KIF13A: variants seen among roughly 807,000 people sequenced by gnomAD.
KIF13A encodes kinesin-like protein KIF13A.
Under a neutral mutation model 212.2 loss-of-function variants are expected in KIF13A, and 79 were observed. That is an observed-to-expected ratio of 0.37 (90% CI 0.31 to 0.45). KIF13A has a LOEUF of 0.45. Among genes scored for constraint, KIF13A ranks in the 20% least tolerant of loss-of-function variants. KIF13A has a pLI of 1.00. For missense variants in KIF13A, 1,901 were observed against 2,209.0 expected (o/e 0.86, Z 2.79); for synonymous variants, 789 against 808.6 (o/e 0.98, Z 0.41).
rs1419183038 is a variant in KIF13A, at chr6:17,918,646, T to C, written c.147-20466A>G. On this transcript the variant is annotated intron_variant, in intron 2 of 38. Coordinates refer to ENST00000259711, the MANE Select transcript of KIF13A (RefSeq NM_022113.6). The surrounding 1 kb of genome is among the most constrained non-coding windows in gnomAD (Gnocchi z 4.8). ...GCTGCCTTCCTACAGGTAAGAGAAG[T>C]ATCACTTGGAATTGAAAGCACTCCC... is the stretch of plus-strand genomic sequence containing the variant. Among the ~76,000 whole-genome samples, 2 of 152,048 alleles carry C rather than the reference T, an allele frequency of 1.3e-5. No homozygotes were observed. Among genetic ancestry groups the C allele is most frequent in the African/African-American group, 2.4e-5 (1 of 41,392 alleles).
chr6:17,858,897 T>A (rs1415540912), intron 4 of KIF13A, among the ~76,000 whole-genome samples: 4 of 150,612 alleles, frequency 2.7e-5, no homozygotes, highest in African/African-American at 9.7e-5. Context: ...ATTTAGTAAC[T>A]TGAAAAAAAG....
chr6:17,845,093 A>G (rs1413711307), intron 9 of KIF13A, among the ~76,000 whole-genome samples: 1 of 152,188 alleles, frequency 6.6e-6, no homozygotes, highest in Non-Finnish European at 1.5e-5. Context: ...AGAAGGCAAA[A>G]GGCACATCGG....
intron 9 of KIF13A, among the ~76,000 whole-genome samples, chr6:17,845,161 T>C (rs1010240353): frequency 2.0e-5 from 3 of 151,984 alleles, no homozygotes; most frequent in African/African-American, 7.2e-5. Context: ...TATAAAACCA[T>C]CGGATCTCGT....
chr6:17,804,253 A>T, intron 20 of KIF13A, 108 bp downstream of exon 20: 1 of 966,268 alleles, frequency 1.0e-6, no homozygotes, highest in Non-Finnish European at 1.4e-6. Flanking sequence ...TATTTGCCTT[A>T]GTTTCTTGAT....
At chr6:17,893,688 T>C (rs1485905581) in intron 3 of KIF13A, among the ~76,000 whole-genome samples, 1 of 152,194 alleles carries the variant, frequency 6.6e-6, no homozygotes, top group African/African-American at 2.4e-5. Context: ...TTCAGTCTTT[T>C]ACTATTACAT....
chr6:17,765,961 AG>A (rs1758916168), intron 38 of KIF13A, among the ~76,000 whole-genome samples: 1 of 152,232 alleles, frequency 6.6e-6, no homozygotes, highest in Non-Finnish European at 1.5e-5. Flanking sequence ...GAGCACAAGA[AG>A]GCATGGTCCC....
At chr6:17,913,925 C>A (rs1489587083) in intron 2 of KIF13A, among the ~76,000 whole-genome samples, 1 of 152,202 alleles carries the variant, frequency 6.6e-6, no homozygotes, top group Non-Finnish European at 1.5e-5. Flanking sequence ...AGGCTCAGTG[C>A]CAGCCTGTTT....
rs1349354918 is a variant in KIF13A at position 17,828,387 on chromosome 6, A to G, written c.1402-17T>C. Reference sequence around the variant, plus strand: ...GGTGTGATCCTAGTAAAAGATTATTAAGGAAAGAAAAACCCACATTTATGA... The same window carrying G: ...GGTGTGATCCTAGTAAAAGATTATTGAGGAAAGAAAAACCCACATTTATGA... On this transcript the variant is annotated splice_polypyrimidine_tract_variant and intron_variant, in intron 13 of 38. Coordinates refer to ENST00000259711, the MANE Select transcript of KIF13A (RefSeq NM_022113.6). The surrounding 1 kb of genome is among the most constrained non-coding windows in gnomAD (Gnocchi z 4.3). 4.4e-6 allele frequency: 7 copies of G among 1,599,034 alleles called. No homozygotes were observed. The African/African-American group carries it at 9.4e-5, about 22-fold the overall frequency.
intron 2 of KIF13A, among the ~76,000 whole-genome samples, chr6:17,922,610 A>C (rs1202049370): frequency 7.7e-4 from 7 of 9,114 alleles, no homozygotes; most frequent in Non-Finnish European, 1.4e-3. Context: ...GAAAAACTTA[A>C]AAAAAAAAAA....
rs79877638 is a variant in KIF13A, at chr6:17,927,686, C to T, written c.147-29506G>A. ...GATCAATTTTAAGTATATTTTGCCACAATAAAAATATGAATCAGAGTACAA... is the reference window on the plus strand; with the variant it reads ...GATCAATTTTAAGTATATTTTGCCATAATAAAAATATGAATCAGAGTACAA... On this transcript the variant is annotated intron_variant, in intron 2 of 38. Transcript: ENST00000259711. 4.8e-3 allele frequency among the ~76,000 whole-genome samples: 735 copies of T among 152,252 alleles called. 6 individuals are homozygous for T. The highest frequency in any genetic ancestry group is 0.016 in the African/African-American group (669 of 41,550).
chr6:17,810,408 C>G (rs1388199151), intron 17 of KIF13A, among the ~76,000 whole-genome samples: 2 of 152,188 alleles, frequency 1.3e-5, no homozygotes, highest in Admixed American at 1.3e-4. Context: ...CCCACAACCC[C>G]TGCCTAATGG....
chr6:17,819,022 C>T lies in KIF13A; in HGVS notation c.1787-1789G>A, dbSNP rs1293777101. On this transcript the variant is annotated intron_variant, in intron 16 of 38. Coordinates refer to ENST00000259711, the MANE Select transcript of KIF13A (RefSeq NM_022113.6). ...ACTTTTTTTTTTTTTTTTTTTGAGACGGAGTTTCGCTCTGTTGCCCGGGCT... is the reference window on the plus strand; with the variant it reads ...ACTTTTTTTTTTTTTTTTTTTGAGATGGAGTTTCGCTCTGTTGCCCGGGCT... 1.9e-3 allele frequency among the ~76,000 whole-genome samples: 225 copies of T among 120,812 alleles called. 1 individual carries two copies. Among genetic ancestry groups the T allele is most frequent in the African/African-American group, 6.9e-3 (213 of 30,748 alleles). 79.3% of individuals were successfully genotyped at this position (120,812 alleles called of 152,430 possible).
At chr6:17,884,859 T>C (rs1771399638) in intron 3 of KIF13A, among the ~76,000 whole-genome samples, 2 of 152,184 alleles carry the variant, frequency 1.3e-5, no homozygotes, top group South Asian at 2.1e-4. Flanking sequence ...AAAAGCCCCA[T>C]TTCTCCAGTT....
In KIF13A at chr6:17,971,590, A is replaced by G. The variant is rs1779810734; in HGVS notation, c.146+15464T>C. ...GTGAGCACTACTACCACACCCAGCT[A>G]ATTTTTCTATTTTTTGTAGAGATGG... On this transcript the variant is annotated intron_variant, in intron 2 of 38. Coordinates refer to ENST00000259711, the MANE Select transcript of KIF13A (RefSeq NM_022113.6). The surrounding 1 kb of genome is among the most constrained non-coding windows in gnomAD (Gnocchi z 4.2). Among the ~76,000 whole-genome samples the G allele has an allele frequency of 6.6e-6, 1 of 151,834 alleles. No homozygotes were observed. The highest frequency in any genetic ancestry group is 2.4e-5 in the African/African-American group (1 of 41,334).
At chr6:17,945,018 A>C (rs1777262672) in intron 2 of KIF13A, among the ~76,000 whole-genome samples, 1 of 152,210 alleles carries the variant, frequency 6.6e-6, no homozygotes, top group African/African-American at 2.4e-5. Flanking sequence ...CACATCTGTA[A>C]TTCCAGCACT....
intron 9 of KIF13A, among the ~76,000 whole-genome samples, chr6:17,845,913 G>A (rs762184611): frequency 7.9e-5 from 12 of 152,124 alleles, no homozygotes; most frequent in Non-Finnish European, 1.6e-4. Context: ...AGACACTGAC[G>A]TTTGTGTGAA....
At position 17,856,603 on chromosome 6, in the gene KIF13A, A is replaced by C. The variant is rs2150407592; in HGVS notation, c.221-481T>G. Reference sequence around the variant, plus strand: ...TTGCTGAGGATGGATTGACAACTTCAGCTGCTGTTTGTAGATTCACAGGCA... The same window carrying C: ...TTGCTGAGGATGGATTGACAACTTCCGCTGCTGTTTGTAGATTCACAGGCA... On this transcript the variant is annotated intron_variant, in intron 4 of 38. Transcript: ENST00000259711. This position sits in a 1 kb window ranked among gnomAD's most constrained non-coding sequence, Gnocchi z 4.5. Among the ~76,000 whole-genome samples, 1 of 152,304 alleles carries C rather than the reference A, an allele frequency of 6.6e-6. No homozygotes were observed. The highest frequency in any genetic ancestry group is 2.1e-4 in the South Asian group (1 of 4,826).
In KIF13A at chr6:17,780,737, T is replaced by A. The variant is rs1344313006; in HGVS notation, c.3839A>T (p.Asn1280Ile). ...LRKRIAANIYNKQSFTQSLKR... is the reference protein window; with the variant it reads ...LRKRIAANIYIKQSFTQSLKR... ...ATCAGGCCCCGTTATTACCTGTTTG[T>A]TGTAAATATTGGCTGCAATTCGTTT... is the stretch of plus-strand genomic sequence containing the variant. Residue 1280 changes from asparagine (N) to isoleucine (I), a missense_variant, in exon 31 of 39, where the codon AAC becomes ATC. Physicochemically the swap from Asn to Ile is moderately radical, Grantham distance 149 (BLOSUM62 -3). Transcript: ENST00000259711. The A allele has an allele frequency of 5.0e-6, 8 of 1,613,688 alleles. No homozygotes were observed. The highest frequency in any genetic ancestry group is 5.9e-6 in the Non-Finnish European group (7 of 1,179,750).
At chr6:17,949,535 A>C (rs924309918) in intron 2 of KIF13A, among the ~76,000 whole-genome samples, 1 of 151,744 alleles carries the variant, frequency 6.6e-6, no homozygotes, top group Non-Finnish European at 1.5e-5. Context: ...CAGGTCTCTT[A>C]AGGGGTAAAG....
Sources: gnomAD v4.1 joint callset for allele counts (sites outside exome capture counted in the v4.1 genomes callset) on GRCh38, gnomAD v4.1.1 for gene constraint, Gnocchi (gnomAD v3.1) non-coding constraint, MANE v1.5 for transcripts, NCBI Gene and HGNC (gene_info 2026-07-23, HGNC 2026-07-21) for gene names.